Variants in GARRE1 observed in about 807,000 individuals in gnomAD.
GARRE1 encodes the protein granule associated Rac and RHOG effector protein 1.
In GARRE1, 49 loss-of-function variants were observed where a neutral mutation model predicts 103.2. That is an observed-to-expected ratio of 0.47 (90% CI 0.38 to 0.60). The LOEUF is 0.60. Among genes scored for constraint, GARRE1 ranks in the 20% least tolerant of loss-of-function variants. GARRE1 has a pLI of 0.00. For missense variants in GARRE1, 1,199 were observed against 1,370.5 expected, an observed-to-expected ratio of 0.87 and a Z score of 1.98; for synonymous variants, 505 against 532.8, an observed-to-expected ratio of 0.95 and a Z score of 0.72.
chr19:34,281,386 G>A (rs764201079), intron 1 of GARRE1, among the ~76,000 whole-genome samples: 3 of 152,192 alleles, frequency 2.0e-5, no homozygotes, highest in Non-Finnish European at 4.4e-5. Flanking sequence ...TGCCTCCCGG[G>A]TTCAAGTGAT....
chr19:34,276,485 A>G (rs1022870830), intron 1 of GARRE1, among the ~76,000 whole-genome samples: 1 of 152,144 alleles, frequency 6.6e-6, no homozygotes, highest in Non-Finnish European at 1.5e-5. Context: ...ACATATGTGT[A>G]TATGTACAGT....
chr19:34,296,861 C>G (rs766664583), intron 1 of GARRE1, among the ~76,000 whole-genome samples: 12 of 152,064 alleles, frequency 7.9e-5, no homozygotes, highest in Non-Finnish European at 1.2e-4. Flanking sequence ...CCAGGCTGCT[C>G]TTAGACTCCT....
intron 1 of GARRE1, among the ~76,000 whole-genome samples, chr19:34,268,376 G>A (rs1039384445): frequency 5.9e-5 from 9 of 151,746 alleles, no homozygotes; most frequent in African/African-American, 9.7e-5. Context: ...CCCTTTTTTC[G>A]TTGTTTCTTC....
At chr19:34,338,886 G>C (rs981051440) in intron 8 of GARRE1, among the ~76,000 whole-genome samples, 2 of 152,130 alleles carry the variant, frequency 1.3e-5, no homozygotes, top group Non-Finnish European at 2.9e-5. Flanking sequence ...TGAAGGATGG[G>C]CTTTGGAGGT....
At position 34,333,940 on chromosome 19, in the gene GARRE1, A is replaced by C. The variant is rs966397758; in HGVS notation, c.1361+139A>C. On this transcript the variant is annotated intron_variant, in intron 8 of 13. Transcript: ENST00000299505. ...CTGCATGTGCAGGTTTATGGGCAGC[A>C]GTGGTATGTTAGTGGCATGTGTCAT... 3 of 665,322 alleles carry C rather than the reference A, an allele frequency of 4.5e-6. No homozygotes were observed. The Admixed American group carries it at 7.4e-5, about 16-fold the overall frequency. 41.2% of individuals were successfully genotyped at this position (665,322 alleles called of 1,614,324 possible).
chr19:34,341,647 T>C lies in GARRE1; in HGVS notation c.1713T>C (p.Ala571=). ...QNTPSKNIFI[A]GCSEEKAKMP... ...CCCCTTCCAAAAACATCTTCATAGC[T>C]GGATGTTCCGAAGAGAAGGCCAAAA... The change falls in exon 10 of 14, where the codon GCT becomes GCC. Residue 571 remains alanine (A), a synonymous_variant. Coordinates refer to ENST00000299505, the MANE Select transcript of GARRE1 (RefSeq NM_014686.5). 6.2e-7 allele frequency: 1 copy of C among 1,614,156 alleles called. No homozygotes were observed. Among genetic ancestry groups the C allele is most frequent in the South Asian group, 1.1e-5 (1 of 91,080 alleles).
At chr19:34,342,739 A>G (rs2074192894) in intron 10 of GARRE1, among the ~76,000 whole-genome samples, 1 of 152,216 alleles carries the variant, frequency 6.6e-6, no homozygotes. Flanking sequence ...CCATAGTTCA[A>G]GTAGGCTCCA....
intron 2 of GARRE1, among the ~76,000 whole-genome samples, chr19:34,308,231 C>A (rs1270447565): frequency 1.4e-5 from 2 of 147,362 alleles, no homozygotes; most frequent in Non-Finnish European, 3.0e-5. Flanking sequence ...GAATGTGCAT[C>A]CTGTTCCTTT....
In GARRE1 at chr19:34,262,287, CTTTTTTTTTT is replaced by C. The variant is rs1018456778; in HGVS notation, c.-796+7692_-796+7701del. Among the ~76,000 whole-genome samples the C allele has an allele frequency of 2.6e-3, 94 of 35,762 alleles. 2 individuals carry two copies. Among genetic ancestry groups the C allele is most frequent in the Middle Eastern group, 0.045 (1 of 22 alleles). The allele number at this position is 35,762 out of a possible 152,430, so 23.5% of individuals were successfully genotyped here. ...AGTGAGCCACCATGCCCAGCTGCTG[CTTTTTTTTTT>C]TTTTTTTTTTTTTTTTTTGAGGCGG... is the stretch of plus-strand genomic sequence containing the variant. On this transcript the variant is annotated intron_variant, in intron 1 of 13. Transcript: ENST00000299505.
rs777919834 is a variant in GARRE1, at chr19:34,333,779, G to A, written c.1339G>A (p.Val447Met). ...PQISLEGSRI[V>M]VQVPSTWCLK... Reference sequence around the variant, plus strand: ...GATCAGTTTAGAAGGCTCTAGAATCGTGGTTCAAGTCCCATCCACATGGTA... The same window carrying A: ...GATCAGTTTAGAAGGCTCTAGAATCATGGTTCAAGTCCCATCCACATGGTA... The change falls in exon 8 of 14, where the codon GTG (valine) becomes ATG (methionine). Residue 447 changes from valine (V) to methionine (M), a missense_variant. Transcript: ENST00000299505. 13 of 1,604,614 alleles carry A rather than the reference G, an allele frequency of 8.1e-6. No individual in the cohort carries two copies. Among genetic ancestry groups the A allele is most frequent in the Admixed American group, 3.4e-5 (2 of 59,446 alleles).
At chr19:34,302,052 G>A (rs1429579005) in intron 2 of GARRE1, among the ~76,000 whole-genome samples, 1 of 126,816 alleles carries the variant, frequency 7.9e-6, no homozygotes, top group African/African-American at 3.1e-5. Flanking sequence ...GTGCAATAGT[G>A]CAATCTTGGC....
At chr19:34,328,317 G>A (rs1233595577) in intron 6 of GARRE1, among the ~76,000 whole-genome samples, 166 bp downstream of exon 6, 1 of 152,020 alleles carries the variant, frequency 6.6e-6, no homozygotes, top group Non-Finnish European at 1.5e-5. Flanking sequence ...ATCACCTGAG[G>A]TCAGGAGTTT....
intron 2 of GARRE1, among the ~76,000 whole-genome samples, chr19:34,314,259 T>C (rs1025969168): frequency 2.6e-5 from 4 of 152,138 alleles, no homozygotes; most frequent in African/African-American, 9.7e-5. Context: ...AATATAAATA[T>C]AGAAATGTAA....
rs372164070 is a variant in GARRE1, at chr19:34,339,854, A to T, written c.1362-13A>T. 2 of 1,613,932 alleles carry T rather than the reference A, an allele frequency of 1.2e-6. No individual in the cohort carries two copies. The highest frequency in any genetic ancestry group is 2.7e-5 in the African/African-American group (2 of 74,906). On this transcript the variant is annotated splice_polypyrimidine_tract_variant and intron_variant, in intron 8 of 13. Coordinates refer to ENST00000299505, the MANE Select transcript of GARRE1 (RefSeq NM_014686.5). ...AATGCAGCCAAGACTAATGCAGCCT[A>T]ATCTATGCCTAGGTGCCTGAAAGAA... is the stretch of plus-strand genomic sequence containing the variant.
intron 7 of GARRE1, among the ~76,000 whole-genome samples, chr19:34,332,257 A>G (rs1351490017): frequency 6.6e-6 from 1 of 151,952 alleles, no homozygotes; most frequent in Non-Finnish European, 1.5e-5. Context: ...CAGTATAGGG[A>G]CCTCCAAAAG....
chr19:34,256,446 G>A (rs763749277), intron 1 of GARRE1, among the ~76,000 whole-genome samples: 1 of 151,650 alleles, frequency 6.6e-6, no homozygotes, highest in Non-Finnish European at 1.5e-5. Context: ...CTTGAGCCCA[G>A]GAGGCGAAGG....
At chr19:34,307,128 A>T (rs549357977) in intron 2 of GARRE1, among the ~76,000 whole-genome samples, 1 of 152,046 alleles carries the variant, frequency 6.6e-6, no homozygotes, top group Admixed American at 6.5e-5. Context: ...GAAGGGAGAG[A>T]AGCAGGGGTG....
intron 3 of GARRE1, among the ~76,000 whole-genome samples, chr19:34,322,700 G>T (rs996500844): frequency 6.6e-6 from 1 of 151,784 alleles, no homozygotes; most frequent in Non-Finnish European, 1.5e-5. Flanking sequence ...CAATTCTCCT[G>T]CCTCAGCCTC....
At chr19:34,296,425 A>G (rs1363150152) in intron 1 of GARRE1, 2 of 1,583,538 alleles carry the variant, frequency 1.3e-6, no homozygotes, top group Non-Finnish European at 1.7e-6. Context: ...GCACGAGCAC[A>G]CTTCCCAAGC....
Sources: gnomAD v4.1 joint callset for allele counts (sites outside exome capture counted in the v4.1 genomes callset) on GRCh38, gnomAD v4.1.1 for gene constraint, MANE v1.5 for transcripts, NCBI Gene and HGNC (gene_info 2026-07-23, HGNC 2026-07-21) for gene names.